The following AHCTF1 variants were observed in gnomAD, a reference collection of about 807,000 sequenced individuals.
AHCTF1 encodes the protein AT-hook containing transcription factor 1.
Under a neutral mutation model 248.4 loss-of-function variants are expected in AHCTF1, and 24 were observed. The observed-to-expected ratio is 0.10, with a 90% CI of 0.07 to 0.14. The LOEUF (loss-of-function observed/expected upper bound fraction) is 0.14, where lower values mean the gene tolerates loss of function less well. AHCTF1 is among the 10% of genes least tolerant of loss of function. The pLI, the probability that AHCTF1 is intolerant of heterozygous loss-of-function variation, is 1.00. For synonymous variants in AHCTF1, 786 were observed against 929.8 expected, an observed-to-expected ratio of 0.85 and a Z score of 2.81; for missense variants, 2,206 against 2,636.2, an observed-to-expected ratio of 0.84 and a Z score of 3.57.
Position 246,861,018 on chromosome 1 carries a change from G to A in AHCTF1, c.4013C>T (p.Ser1338Phe). 2 of 1,613,952 alleles carry A rather than the reference G, an allele frequency of 1.2e-6. No homozygotes were observed. The highest frequency in any genetic ancestry group is 1.7e-6 in the Non-Finnish European group (2 of 1,179,860). ...TGCAGTGGAAGAGCTTTTGGGCTTA[G>A]AGGCCGTGAAAACAGTCTCTTCAAG... The part of the protein sequence containing the change: ...EDLEETVFTA[S>F]KPKSSSTALT... The change falls in exon 29 of 36, where the codon TCT becomes TTT. Residue 1338 changes from serine (S) to phenylalanine (F), a missense_variant. Physicochemically the swap from Ser to Phe is radical, Grantham distance 155 (BLOSUM62 -2). Around this residue, in one of 6 missense-constraint regions of AHCTF1, gnomAD observed 955 missense variants for 1,055.6 expected, o/e 0.90. Transcript: ENST00000648844.
chr1:246,888,084 A>G (rs1336171149), intron 19 of AHCTF1, 93 bp downstream of exon 19: 26 of 1,405,110 alleles, frequency 1.9e-5, no homozygotes, highest in Non-Finnish European at 2.6e-5. Flanking sequence ...ACCAAAATTC[A>G]ACCTTGCAAT....
At chr1:246,881,447 G>T (rs990034246) in intron 21 of AHCTF1, among the ~76,000 whole-genome samples, 18 of 152,104 alleles carry the variant, frequency 1.2e-4, no homozygotes, top group African/African-American at 4.3e-4. Flanking sequence ...TGATCATGGG[G>T]ACAAATATAT....
intron 3 of AHCTF1, among the ~76,000 whole-genome samples, 193 bp from the exon 4 acceptor site, chr1:246,913,605 A>G (rs1665953132): frequency 6.6e-6 from 1 of 152,246 alleles, no homozygotes; most frequent in Non-Finnish European, 1.5e-5. Context: ...CTCAATACAT[A>G]GAAAAATCAC....
In AHCTF1 at chr1:246,905,253, A is replaced by G. The variant is rs574996620; in HGVS notation, c.881+288T>C. On this transcript the variant is annotated intron_variant, in intron 6 of 35. Transcript: ENST00000648844. ...GGTGACTCACACCTGTAATCCCAGC[A>G]CTTTGGGAGGCTGAGGCGGGCAGAT... 2.7e-3 allele frequency among the ~76,000 whole-genome samples: 411 copies of G among 152,276 alleles called. 3 individuals are homozygous for G. Among genetic ancestry groups the G allele is most frequent in the Non-Finnish European group, 2.5e-3 (170 of 68,020 alleles).
At chr1:246,911,719 A>G (rs886475768) in intron 4 of AHCTF1, among the ~76,000 whole-genome samples, 1 of 152,086 alleles carries the variant, frequency 6.6e-6, no homozygotes, top group African/African-American at 2.4e-5. Context: ...CCCGACCTCA[A>G]GTGATCCACC....
intron 14 of AHCTF1, among the ~76,000 whole-genome samples, chr1:246,892,568 G>C (rs919337864): frequency 6.6e-6 from 1 of 151,900 alleles, no homozygotes; most frequent in Admixed American, 6.6e-5. Context: ...TGATCCGCCC[G>C]CCTCGGCCTC....
chr1:246,865,910 G>T lies in AHCTF1; in HGVS notation c.3347+1334C>A, dbSNP rs12121733. Among the ~76,000 whole-genome samples the T allele has an allele frequency of 4.0e-5, 6 of 151,772 alleles. 1 individual carries two copies. The South Asian group carries it at 6.2e-4, about 16-fold the overall frequency. ...AGGTTATTTTCAAAAATCTATAGTG[G>T]TATTTAAAAAATTGATTTATGTAAC... is the stretch of plus-strand genomic sequence containing the variant. On this transcript the variant is annotated intron_variant, in intron 26 of 35. Coordinates refer to ENST00000648844, the MANE Select transcript of AHCTF1 (RefSeq NM_001323342.2).
intron 21 of AHCTF1, 25 bp downstream of exon 21, chr1:246,885,468 T>TTATA: frequency 6.4e-7 from 1 of 1,557,832 alleles, no homozygotes; most frequent in South Asian, 1.2e-5. Flanking sequence ...GATAAAGACT[T>TTATA]TATAGTTTCA....
intron 1 of AHCTF1, chr1:246,931,286 G>A (rs891816283): frequency 4.5e-6 from 7 of 1,547,948 alleles, no homozygotes; most frequent in African/African-American, 2.7e-5. Flanking sequence ...GGACCCGACT[G>A]CCGGCGCAGG....
intron 27 of AHCTF1, 113 bp from the exon 28 acceptor site, chr1:246,862,266 G>A: frequency 1.5e-6 from 1 of 651,454 alleles, no homozygotes; most frequent in Non-Finnish European, 2.5e-6. Flanking sequence ...GGATCACCAG[G>A]TCAGGAGATC....
intron 23 of AHCTF1, 60 bp downstream of exon 23, chr1:246,876,890 A>G: frequency 2.5e-6 from 4 of 1,583,954 alleles, no homozygotes; most frequent in Non-Finnish European, 3.4e-6. Flanking sequence ...ATAACAACCA[A>G]AAAAGCCTCC....
intron 11 of AHCTF1, among the ~76,000 whole-genome samples, chr1:246,899,128 TC>T: frequency 6.6e-6 from 1 of 152,244 alleles, no homozygotes; most frequent in African/African-American, 2.4e-5. Context: ...TTTTTTTTTT[TC>T]CTGTGCCAGG....
At chr1:246,869,008 C>T (rs1401041478) in intron 24 of AHCTF1, among the ~76,000 whole-genome samples, 1 of 151,446 alleles carries the variant, frequency 6.6e-6, no homozygotes, top group Non-Finnish European at 1.5e-5. Context: ...CCATGCCTGG[C>T]TAACTTTTTC....
intron 33 of AHCTF1, among the ~76,000 whole-genome samples, chr1:246,845,734 T>C (rs1660210603): frequency 6.6e-6 from 1 of 152,160 alleles, no homozygotes; most frequent in African/African-American, 2.4e-5. Context: ...TACCCATCTC[T>C]TGTTTTGAGG....
Position 246,839,717 on chromosome 1 carries a change from A to G in AHCTF1, c.*1089T>C, listed in dbSNP as rs181261627. 2 of 203,886 alleles carry G rather than the reference A, an allele frequency of 9.8e-6. No individual in the cohort carries two copies. Among genetic ancestry groups the G allele is most frequent in the African/African-American group, 4.7e-5 (2 of 42,408 alleles). 12.6% of individuals were successfully genotyped at this position (203,886 alleles called of 1,614,324 possible). On this transcript the variant is annotated 3_prime_UTR_variant, in exon 36 of 36. Transcript: ENST00000648844. Reference sequence around the variant, plus strand: ...CGTTTCTAGATAATCAATTATTAATAGTCCATTCATTACACACTATCGATT... The same window carrying G: ...CGTTTCTAGATAATCAATTATTAATGGTCCATTCATTACACACTATCGATT...
At chr1:246,868,965 C>G (rs541792335) in intron 24 of AHCTF1, among the ~76,000 whole-genome samples, 24 of 150,540 alleles carry the variant, frequency 1.6e-4, no homozygotes, top group Non-Finnish European at 3.1e-4. Flanking sequence ...CTGCCTCAGC[C>G]TGCTGAGTAG....
At chr1:246,866,219 TA>T (rs1349170401) in intron 26 of AHCTF1, among the ~76,000 whole-genome samples, 2 of 152,152 alleles carry the variant, frequency 1.3e-5, no homozygotes, top group African/African-American at 4.8e-5. Context: ...AATACTTCTT[TA>T]AGGGCCTCAG....
At chr1:246,869,991 A>G (rs1046714342) in intron 24 of AHCTF1, among the ~76,000 whole-genome samples, 4 of 152,258 alleles carry the variant, frequency 2.6e-5, no homozygotes, top group Admixed American at 6.5e-5. Context: ...GATGCCATTC[A>G]GCACATTCAT....
chr1:246,886,230 T>C (rs1558248037), intron 20 of AHCTF1, among the ~76,000 whole-genome samples: 1 of 150,614 alleles, frequency 6.6e-6, no homozygotes, highest in African/African-American at 2.4e-5. Flanking sequence ...ACTTGGGAGG[T>C]TGAGGCAGGA....
Sources: allele counts gnomAD v4.1 joint callset (sites outside exome capture counted in the v4.1 genomes callset), GRCh38; gene constraint gnomAD v4.1.1; regional missense constraint gnomAD v4.1.1; transcripts MANE v1.5; gene names NCBI Gene and HGNC (gene_info 2026-07-23, HGNC 2026-07-21).